Variants in DIAPH2 observed in about 807,000 individuals in gnomAD.
DIAPH2 encodes the protein protein diaphanous homolog 2.
DIAPH2 carries 35 observed loss-of-function variants against 92.7 expected under a neutral mutation model. The ratio of observed to expected loss-of-function variants is 0.38; its 90% CI spans 0.29 to 0.50. The LOEUF (loss-of-function observed/expected upper bound fraction) is 0.50, where lower values mean the gene tolerates loss of function less well. Ranked by LOEUF, DIAPH2 falls within the 20% of genes least tolerant of loss-of-function variation. DIAPH2 has a pLI of 0.94. For missense variants in DIAPH2, 701 were observed against 819.5 expected (o/e 0.86, Z 1.77); for synonymous variants, 301 against 280.4 (o/e 1.07, Z -0.73).
At chrX:97,555,238 A>G (rs1276774984) in intron 26 of DIAPH2, among the ~76,000 whole-genome samples, 1 of 112,204 alleles carries the variant, frequency 8.9e-6, no homozygotes, top group Non-Finnish European at 1.9e-5. Flanking sequence ...ACTGGAAGAA[A>G]GAAAGAATAT....
At position 97,187,273 on chromosome X, in the gene DIAPH2, T is replaced by G. The variant is rs757463563; in HGVS notation, c.2719+45479T>G. 3.3e-3 allele frequency among the ~76,000 whole-genome samples: 289 copies of G among 87,915 alleles called. 3 individuals are homozygous for G. The highest frequency in any genetic ancestry group is 0.011 in the African/African-American group (279 of 25,062). 76.3% of individuals were successfully genotyped at this position (87,915 alleles called of 115,157 possible). A position where few individuals can be genotyped will look rare whatever the true frequency, so the allele number is the denominator to read the frequency against. On this transcript the variant is annotated intron_variant, in intron 22 of 26. Transcript: ENST00000324765. ...AGGGATTTAGGGATTGAAGACTAATTAAGTAGCCTTTTTTTTTTTTTTTTT... is the reference window on the plus strand; with the variant it reads ...AGGGATTTAGGGATTGAAGACTAATGAAGTAGCCTTTTTTTTTTTTTTTTT...
At chrX:97,343,203 G>C (rs1024970389) in intron 23 of DIAPH2, among the ~76,000 whole-genome samples, 1 of 111,887 alleles carries the variant, frequency 8.9e-6, no homozygotes, top group African/African-American at 3.2e-5. Flanking sequence ...TATGTAGACA[G>C]TTGATTATGA....
At chrX:96,815,338 G>A (rs763538913) in intron 4 of DIAPH2, among the ~76,000 whole-genome samples, 3 of 111,834 alleles carry the variant, frequency 2.7e-5, no homozygotes, top group Admixed American at 9.4e-5. Context: ...CGAGCCAGGC[G>A]CGGGATATAA....
At chrX:96,763,005 CACTT>C (rs1407755538) in intron 4 of DIAPH2, 1 of 646,669 alleles carries the variant, frequency 1.5e-6, no homozygotes, top group Non-Finnish European at 2.1e-6. Context: ...ATTTACTAAA[CACTT>C]AACCTCTGTG....
At chrX:96,827,001 G>A (rs1348211938) in intron 4 of DIAPH2, among the ~76,000 whole-genome samples, 2 of 112,163 alleles carry the variant, frequency 1.8e-5, no homozygotes, top group Non-Finnish European at 3.8e-5. Context: ...GAAATTTAAT[G>A]TTTAAATTAT....
chrX:97,215,117 G>T (rs1353935022), intron 22 of DIAPH2, among the ~76,000 whole-genome samples: 2 of 111,187 alleles, frequency 1.8e-5, no homozygotes, highest in Non-Finnish European at 3.8e-5. Flanking sequence ...GTTTTGTTTG[G>T]TTTTTAATAA....
At chrX:97,140,731 T>C (rs1356454606) in intron 21 of DIAPH2, among the ~76,000 whole-genome samples, 1 of 111,919 alleles carries the variant, frequency 8.9e-6, no homozygotes, top group Non-Finnish European at 1.9e-5. Context: ...ATTAATTTAC[T>C]CTGTTACCTA....
chrX:96,805,480 A>G (rs2064617495), intron 4 of DIAPH2, among the ~76,000 whole-genome samples: 1 of 111,057 alleles, frequency 9.0e-6, no homozygotes, highest in African/African-American at 3.3e-5. Flanking sequence ...GAAAGGATTC[A>G]GTGCCTGCAT....
intron 22 of DIAPH2, among the ~76,000 whole-genome samples, chrX:97,188,735 T>C (rs915016266): frequency 8.9e-6 from 1 of 112,406 alleles, no homozygotes; most frequent in African/African-American, 3.2e-5. Context: ...TACTTTAGAT[T>C]TACAATGCAA....
intron 22 of DIAPH2, among the ~76,000 whole-genome samples, chrX:97,214,572 C>T (rs752399031): frequency 1.4e-4 from 16 of 111,009 alleles, no homozygotes; most frequent in African/African-American, 4.9e-4. Flanking sequence ...GGCTCATGCC[C>T]TGTAATCCCA....
intron 22 of DIAPH2, among the ~76,000 whole-genome samples, chrX:97,202,795 A>G (rs2067763375): frequency 2.7e-5 from 3 of 112,105 alleles, no homozygotes; most frequent in Non-Finnish European, 5.6e-5. Context: ...ATTAACAAGG[A>G]TATTCAGGAC....
intron 22 of DIAPH2, 125 bp from the exon 23 acceptor site, chrX:97,247,590 G>A (rs2068152552): frequency 3.5e-6 from 2 of 565,807 alleles, no homozygotes; most frequent in African/African-American, 2.3e-5. Flanking sequence ...AGAAAAATGT[G>A]AGTTGACTTC....
At chrX:97,369,166 C>T (rs2069417071) in intron 24 of DIAPH2, among the ~76,000 whole-genome samples, 1 of 111,358 alleles carries the variant, frequency 9.0e-6, no homozygotes, top group African/African-American at 3.3e-5. Flanking sequence ...CCTCAGCCTC[C>T]CACAGTGCTG....
chrX:96,685,296 C>T, intron 1 of DIAPH2, 106 bp downstream of exon 1: 1 of 872,831 alleles, frequency 1.1e-6, no homozygotes. Flanking sequence ...AGGATGACCG[C>T]GACCTCGCTG....
chrX:97,146,781 T>TC (rs758790608), intron 22 of DIAPH2, among the ~76,000 whole-genome samples: 12 of 111,970 alleles, frequency 1.1e-4, no homozygotes, highest in Non-Finnish European at 2.1e-4. Flanking sequence ...GAAAAACACA[T>TC]CATTTTTACA....
At chrX:97,050,908 A>T (rs2147894054) in intron 17 of DIAPH2, among the ~76,000 whole-genome samples, 1 of 112,271 alleles carries the variant, frequency 8.9e-6, no homozygotes, top group African/African-American at 3.2e-5. Flanking sequence ...TCACGGAGTG[A>T]AGGTGGTAAC....
At chrX:97,037,436 C>G (rs1017313395) in intron 17 of DIAPH2, among the ~76,000 whole-genome samples, 3 of 111,352 alleles carry the variant, frequency 2.7e-5, no homozygotes, top group Non-Finnish European at 3.8e-5. Context: ...CAAGCATTGC[C>G]TTGGGGGATA....
chrX:97,524,218 G>T (rs2071009514), intron 26 of DIAPH2, among the ~76,000 whole-genome samples: 1 of 111,999 alleles, frequency 8.9e-6, no homozygotes, highest in Admixed American at 9.5e-5. Context: ...GCCTAGAACA[G>T]TGTTTGGCAA....
chrX:97,054,745 A>G (rs2066544290), intron 17 of DIAPH2, among the ~76,000 whole-genome samples: 1 of 111,445 alleles, frequency 9.0e-6, no homozygotes, highest in East Asian at 2.8e-4. Flanking sequence ...TAAATTCCCT[A>G]CTTATTACTT....
Sources: allele counts gnomAD v4.1 joint callset (sites outside exome capture counted in the v4.1 genomes callset), GRCh38; gene constraint gnomAD v4.1.1; transcripts MANE v1.5; gene names NCBI Gene and HGNC (gene_info 2026-07-23, HGNC 2026-07-21).